CCDC170: variants seen among roughly 807,000 people sequenced by gnomAD.
CCDC170 encodes the protein coiled-coil domain containing 170.
A neutral mutation model predicts 72.6 loss-of-function variants in CCDC170; 69 were observed. The ratio of observed to expected loss-of-function variants is 0.95; its 90% CI spans 0.78 to 1.16. The LOEUF (loss-of-function observed/expected upper bound fraction) is 1.16, where lower values mean the gene tolerates loss of function less well. Ranked by LOEUF, CCDC170 falls within the 50% of genes most tolerant of loss-of-function variation. The pLI is 0.00. For synonymous variants in CCDC170, 300 were observed against 303.9 expected (o/e 0.99, Z 0.13); for missense variants, 852 against 832.5 (o/e 1.02, Z -0.29).
At chr6:151,516,387 A>G (rs1178651760) in intron 1 of CCDC170, among the ~76,000 whole-genome samples, 1 of 152,148 alleles carries the variant, frequency 6.6e-6, no homozygotes, top group Non-Finnish European at 1.5e-5. Flanking sequence ...GAAGGCTTAG[A>G]ATGTTATTTT....
chr6:151,525,260 A>G (rs951439945), intron 1 of CCDC170, among the ~76,000 whole-genome samples: 8 of 152,026 alleles, frequency 5.3e-5, no homozygotes, highest in African/African-American at 1.7e-4. Flanking sequence ...TGCTTTGGAG[A>G]TTTCCATTTA....
chr6:151,606,194 A>G (rs1486221829), intron 9 of CCDC170, among the ~76,000 whole-genome samples: 1 of 152,134 alleles, frequency 6.6e-6, no homozygotes, highest in African/African-American at 2.4e-5. Flanking sequence ...GAGCCACTGC[A>G]CCTGGCCTAT....
At chr6:151,549,820 G>A (rs1782851855) in intron 5 of CCDC170, among the ~76,000 whole-genome samples, 1 of 152,136 alleles carries the variant, frequency 6.6e-6, no homozygotes. Context: ...GACACACTCT[G>A]CACACTATAT....
chr6:151,601,954 A>C (rs74336914), intron 9 of CCDC170, among the ~76,000 whole-genome samples: 8,739 of 152,336 alleles, frequency 0.057, 306 homozygotes, highest in South Asian at 0.096. Context: ...TTGTATGGAT[A>C]TACCACATTT....
chr6:151,565,816 G>T (rs958286), intron 5 of CCDC170, among the ~76,000 whole-genome samples: 2,823 of 152,242 alleles, frequency 0.019, 100 homozygotes, highest in African/African-American at 0.064. Context: ...TAGCTTGTCT[G>T]TAGGTTCATT....
intron 6 of CCDC170, among the ~76,000 whole-genome samples, chr6:151,576,132 T>C (rs1301442559): frequency 6.6e-6 from 1 of 152,234 alleles, no homozygotes; most frequent in African/African-American, 2.4e-5. Context: ...TGAGTGTGCA[T>C]GCAGCCATCC....
chr6:151,594,210 A>G (rs1470438826), intron 8 of CCDC170, among the ~76,000 whole-genome samples: 1 of 152,222 alleles, frequency 6.6e-6, no homozygotes, highest in Non-Finnish European at 1.5e-5. Context: ...CTATGATACA[A>G]TTCCAGTGTA....
At chr6:151,589,811 C>T (rs936330345) in intron 7 of CCDC170, among the ~76,000 whole-genome samples, 1 of 152,090 alleles carries the variant, frequency 6.6e-6, no homozygotes, top group African/African-American at 2.4e-5. Context: ...TTCCATGGCC[C>T]CACGTTCTGT....
At chr6:151,508,308 C>A (rs369662709) in intron 1 of CCDC170, among the ~76,000 whole-genome samples, 1 of 152,140 alleles carries the variant, frequency 6.6e-6, no homozygotes, top group African/African-American at 2.4e-5. Context: ...GAGGCCAAGG[C>A]GGATGGATCA....
At chr6:151,612,842 T>A (rs1050414490) in intron 9 of CCDC170, among the ~76,000 whole-genome samples, 4 of 152,134 alleles carry the variant, frequency 2.6e-5, no homozygotes, top group African/African-American at 4.8e-5. Context: ...TTTTTAATGA[T>A]CTAACCACAA....
At chr6:151,508,738 G>A (rs1176083666) in intron 1 of CCDC170, among the ~76,000 whole-genome samples, 2 of 151,252 alleles carry the variant, frequency 1.3e-5, no homozygotes, top group South Asian at 2.1e-4. Context: ...TAAATAGGCC[G>A]GGCGTGGTGG....
At chr6:151,498,973 C>G (rs1781949509) in intron 1 of CCDC170, among the ~76,000 whole-genome samples, 1 of 149,804 alleles carries the variant, frequency 6.7e-6, no homozygotes, top group African/African-American at 2.5e-5. Context: ...TTTGACTCTT[C>G]TAGGCACACT....
At chr6:151,594,563 A>G (rs1166001901) in intron 8 of CCDC170, among the ~76,000 whole-genome samples, 1 of 152,096 alleles carries the variant, frequency 6.6e-6, no homozygotes, top group Non-Finnish European at 1.5e-5. Context: ...GTCCAACACC[A>G]TTACTTCTTA....
Position 151,532,655 on chromosome 6 carries a change from G to A in CCDC170, c.58-3663G>A, listed in dbSNP as rs544392467. 2.6e-5 allele frequency among the ~76,000 whole-genome samples: 4 copies of A among 151,636 alleles called. No individual in the cohort carries two copies. The East Asian group carries it at 5.8e-4, about 22-fold the overall frequency. ...AGAATAAGGCTTCTTGAACAAATGAGAAAAATGATTTTAGTTGGAAGCCTC... is the reference window on the plus strand; with the variant it reads ...AGAATAAGGCTTCTTGAACAAATGAAAAAAATGATTTTAGTTGGAAGCCTC... On this transcript the variant is annotated intron_variant, in intron 1 of 10. Coordinates refer to ENST00000239374, the MANE Select transcript of CCDC170 (RefSeq NM_025059.4).
intron 8 of CCDC170, 86 bp from the exon 9 acceptor site, chr6:151,596,249 A>T: frequency 7.1e-7 from 1 of 1,407,398 alleles, no homozygotes; most frequent in Non-Finnish European, 9.5e-7. Context: ...TGAGGTGTAG[A>T]TAGAGATCAA....
intron 9 of CCDC170, among the ~76,000 whole-genome samples, chr6:151,598,905 G>A (rs1419867860): frequency 6.6e-6 from 1 of 152,192 alleles, no homozygotes; most frequent in African/African-American, 2.4e-5. Context: ...ATTGTAGGAT[G>A]TGCGGGTGTT....
intron 1 of CCDC170, among the ~76,000 whole-genome samples, chr6:151,525,074 A>G (rs1030603480): frequency 1.3e-5 from 2 of 151,806 alleles, no homozygotes; most frequent in Non-Finnish European, 2.9e-5. Context: ...CTGGGACTAT[A>G]GGTGCCCGCC....
At chr6:151,601,053 A>G (rs1218343977) in intron 9 of CCDC170, among the ~76,000 whole-genome samples, 1 of 152,178 alleles carries the variant, frequency 6.6e-6, no homozygotes, top group Non-Finnish European at 1.5e-5. Context: ...ATAAAGACAT[A>G]CCCGAGACTG....
At chr6:151,563,166 G>A (rs767169536) in intron 5 of CCDC170, among the ~76,000 whole-genome samples, 24 of 151,910 alleles carry the variant, frequency 1.6e-4, no homozygotes, top group Non-Finnish European at 2.8e-4. Context: ...CCTTCCCTTC[G>A]TAAAAGCCTG....
Sources: gnomAD v4.1 joint callset for allele counts (sites outside exome capture counted in the v4.1 genomes callset) on GRCh38, gnomAD v4.1.1 for gene constraint, MANE v1.5 for transcripts, NCBI Gene and HGNC (gene_info 2026-07-23, HGNC 2026-07-21) for gene names.